The following PRKG1 variants were observed in gnomAD, a reference collection of about 807,000 sequenced individuals.
The protein encoded by PRKG1 is protein kinase cGMP-dependent 1.
PRKG1 carries 35 observed loss-of-function variants against 88.1 expected under a neutral mutation model. The observed-to-expected ratio is 0.40, with a 90% CI of 0.30 to 0.53. The LOEUF is 0.53. Ranked by LOEUF, PRKG1 falls within the 20% of genes least tolerant of loss-of-function variation. The pLI is 0.59. For synonymous variants in PRKG1, 303 were observed against 292.5 expected (o/e 1.04, Z -0.37); for missense variants, 540 against 839.8 (o/e 0.64, Z 4.41).
intron 4 of PRKG1, among the ~76,000 whole-genome samples, chr10:51,834,141 T>C (rs1282589572): frequency 5.3e-5 from 8 of 152,194 alleles, no homozygotes; most frequent in Non-Finnish European, 1.0e-4. Flanking sequence ...CTTATTTTCT[T>C]GTACTTTAGT....
intron 3 of PRKG1, among the ~76,000 whole-genome samples, chr10:51,623,861 T>G (rs543595226): frequency 1.2e-4 from 19 of 152,270 alleles, no homozygotes; most frequent in Admixed American, 4.6e-4. Context: ...GGTTCTAATG[T>G]TTTGTTTTGC....
intron 12 of PRKG1, among the ~76,000 whole-genome samples, chr10:52,272,934 C>CT (rs1841770732): frequency 6.6e-6 from 1 of 151,984 alleles, no homozygotes. Context: ...TTCCCTCTAC[C>CT]TTTACATGGC....
rs80348153 is a variant in PRKG1 at position 51,700,006 on chromosome 10, C to G, written c.593-104579C>G. On this transcript the variant is annotated intron_variant, in intron 3 of 17. Coordinates refer to ENST00000373980, the MANE Select transcript of PRKG1 (RefSeq NM_006258.4). ...TAAGGCGGCGTGTTTTTCGTTCTGA[C>G]AAAGTATTTTCATGTGGCCTTTTAT... 2.3e-4 allele frequency among the ~76,000 whole-genome samples: 35 copies of G among 152,372 alleles called. No homozygotes were observed. In the East Asian group the frequency reaches 6.8e-3, roughly 29 times the overall value.
chr10:52,096,479 T>A (rs1370898548), intron 7 of PRKG1, among the ~76,000 whole-genome samples: 2 of 152,212 alleles, frequency 1.3e-5, no homozygotes, highest in African/African-American at 2.4e-5. Flanking sequence ...CCTTGTAATG[T>A]GCAACTTCCT....
chr10:51,408,539 G>C (rs988288161), intron 2 of PRKG1, among the ~76,000 whole-genome samples: 1 of 152,190 alleles, frequency 6.6e-6, no homozygotes, highest in Admixed American at 6.5e-5. Context: ...CCCTTTCCTT[G>C]ATGGAAGAGG....
At chr10:51,188,847 G>T (rs1837561065) in intron 2 of PRKG1, among the ~76,000 whole-genome samples, 1 of 151,866 alleles carries the variant, frequency 6.6e-6, no homozygotes, top group Non-Finnish European at 1.5e-5. Context: ...CAAATTCAAG[G>T]CTCAGAATCT....
intron 2 of PRKG1, among the ~76,000 whole-genome samples, chr10:51,425,030 CT>C (rs1380046276): frequency 6.6e-6 from 1 of 151,968 alleles, no homozygotes; most frequent in Non-Finnish European, 1.5e-5. Flanking sequence ...TCTTTCCTTT[CT>C]CCCTTCCTTC....
intron 9 of PRKG1, among the ~76,000 whole-genome samples, chr10:52,231,732 AAT>A (rs1424658186): frequency 1.3e-5 from 2 of 152,194 alleles, no homozygotes; most frequent in Admixed American, 6.5e-5. Flanking sequence ...CGCACATGAG[AAT>A]ATATGTTAGC....
chr10:51,582,748 A>T (rs1838073149), intron 3 of PRKG1, among the ~76,000 whole-genome samples: 1 of 152,056 alleles, frequency 6.6e-6, no homozygotes, highest in African/African-American at 2.4e-5. Flanking sequence ...TGTTGTGAAT[A>T]GTGGAGAGTA....
At chr10:51,656,490 T>C (rs1266619706) in intron 3 of PRKG1, among the ~76,000 whole-genome samples, 1 of 152,158 alleles carries the variant, frequency 6.6e-6, no homozygotes, top group African/African-American at 2.4e-5. Flanking sequence ...ATCTTTGTAT[T>C]TCCAGTGCCT....
intron 2 of PRKG1, among the ~76,000 whole-genome samples, chr10:51,437,815 G>A (rs1017344022): frequency 6.7e-6 from 1 of 149,640 alleles, no homozygotes; most frequent in Non-Finnish European, 1.5e-5. Flanking sequence ...ATTTTTGATT[G>A]TTACAACTGG....
chr10:51,559,613 T>A (rs560711349), intron 3 of PRKG1, among the ~76,000 whole-genome samples: 4 of 152,258 alleles, frequency 2.6e-5, no homozygotes, highest in South Asian at 2.1e-4. Context: ...AACAAACACT[T>A]TTTTAATGCA....
intron 3 of PRKG1, among the ~76,000 whole-genome samples, chr10:51,583,882 G>A (rs183757548): frequency 3.0e-4 from 46 of 151,942 alleles, no homozygotes; most frequent in African/African-American, 1.1e-3. Context: ...AGTATAACAC[G>A]GGAACTTTTT....
chr10:51,745,749 C>T (rs1837560467), intron 3 of PRKG1, among the ~76,000 whole-genome samples: 1 of 152,124 alleles, frequency 6.6e-6, no homozygotes, highest in Non-Finnish European at 1.5e-5. Flanking sequence ...TGTCTCACGC[C>T]TATAATCCCA....
chr10:51,100,698 A>G (rs1211163035), intron 1 of PRKG1, among the ~76,000 whole-genome samples: 1 of 152,210 alleles, frequency 6.6e-6, no homozygotes, highest in African/African-American at 2.4e-5. Context: ...TGGTATTAGG[A>G]CCCAAGTAAC....
chr10:51,970,037 CACACACA>C (rs1843669079), intron 5 of PRKG1, among the ~76,000 whole-genome samples: 2 of 90,042 alleles, frequency 2.2e-5, no homozygotes, highest in African/African-American at 7.0e-5. Flanking sequence ...CACACACACA[CACACACA>C]CACACACCCA....
At chr10:51,720,626 T>TA (rs1435260838) in intron 3 of PRKG1, among the ~76,000 whole-genome samples, 1 of 152,208 alleles carries the variant, frequency 6.6e-6, no homozygotes, top group Non-Finnish European at 1.5e-5. Context: ...TGTGCATACT[T>TA]ACCTTGGAAC....
Position 51,250,944 on chromosome 10 carries a change from C to G in PRKG1, c.478+97614C>G, listed in dbSNP as rs532353351. On this transcript the variant is annotated intron_variant, in intron 2 of 17. Transcript: ENST00000373980. ...AGAAAGCTGAGGTGCTGGGAGAATA[C>G]AGAACTAGAGCTGCGATGTTTTCCC... 1.4e-4 allele frequency among the ~76,000 whole-genome samples: 21 copies of G among 151,784 alleles called. 1 individual carries two copies. In the South Asian group the frequency reaches 3.3e-3, roughly 24 times the overall value.
At chr10:52,293,200 C>A (rs9663602) in intron 17 of PRKG1, among the ~76,000 whole-genome samples, 112,982 of 149,738 alleles carry the variant, frequency 0.75, 43,868 homozygotes, top group African/African-American at 0.94. Flanking sequence ...AATCCAACTT[C>A]CAAGGGATGT....
Sources: allele counts gnomAD v4.1 joint callset (sites outside exome capture counted in the v4.1 genomes callset), GRCh38; gene constraint gnomAD v4.1.1; transcripts MANE v1.5; gene names NCBI Gene and HGNC (gene_info 2026-07-23, HGNC 2026-07-21).